The following DNAH17 variants were observed in gnomAD, a reference collection of about 807,000 sequenced individuals.
DNAH17 encodes dynein axonemal heavy chain 17.
DNAH17 carries 376 observed loss-of-function variants against 485.6 expected under a neutral mutation model. That is an observed-to-expected ratio of 0.77 (90% CI 0.71 to 0.84). DNAH17 has a LOEUF of 0.84. Ranked by LOEUF, DNAH17 falls within the 40% of genes least tolerant of loss-of-function variation. The pLI is 0.00. For synonymous variants in DNAH17, 3,031 were observed against 2,405.9 expected (o/e 1.26, Z -7.60); for missense variants, 6,370 against 5,839.3 (o/e 1.09, Z -2.96).
intron 58 of DNAH17, 130 bp from the exon 59 acceptor site, chr17:78,460,387 T>A: frequency 2.7e-6 from 2 of 749,990 alleles, no homozygotes; most frequent in Non-Finnish European, 4.4e-6. Flanking sequence ...TATGTGTGCA[T>A]ATATGTGCAT....
At position 78,439,086 on chromosome 17, in the gene DNAH17, G is replaced by A. The variant is rs769071732; in HGVS notation, c.11805+4C>T. 8.1e-5 allele frequency: 130 copies of A among 1,612,740 alleles called. 1 individual carries two copies. Among genetic ancestry groups the A allele is most frequent in the Middle Eastern group, 3.4e-4 (2 of 5,808 alleles). Reference sequence around the variant, plus strand: ...CTTACCCTGCAGTGCTGGCCCCCTCGTACCTGCAGAATGACCCAGTGTCCT... The same window carrying A: ...CTTACCCTGCAGTGCTGGCCCCCTCATACCTGCAGAATGACCCAGTGTCCT... On this transcript the variant is annotated splice_donor_region_variant and intron_variant, in intron 73 of 80. Transcript: ENST00000389840.
chr17:78,429,370 T>C, intron 75 of DNAH17, 70 bp from the exon 76 acceptor site: 1 of 1,525,552 alleles, frequency 6.6e-7, no homozygotes, highest in Non-Finnish European at 8.9e-7. Context: ...AGGGTCAGGC[T>C]CAGGCAGGCA....
intron 37 of DNAH17, among the ~76,000 whole-genome samples, chr17:78,496,236 G>A (rs1006773829): frequency 1.2e-4 from 18 of 152,226 alleles, no homozygotes; most frequent in South Asian, 6.2e-4. Flanking sequence ...AGAGGGCCAG[G>A]CACAGTGGCT....
rs773598543 is a variant in DNAH17 at position 78,570,340 on chromosome 17, G to T, written c.951C>A (p.Thr317=). The T allele has an allele frequency of 1.9e-6, 3 of 1,610,400 alleles. No individual in the cohort carries two copies. The highest frequency in any genetic ancestry group is 4.5e-5 in the East Asian group (2 of 44,748). The change falls in exon 7 of 81, where the codon ACC becomes ACA. Residue 317 remains threonine (T), a synonymous_variant. Coordinates refer to ENST00000389840, the MANE Select transcript of DNAH17 (RefSeq NM_173628.4). ...CAGAGGTGGCCCAGATGAAGCAGAT[G>T]GTGTCCAGCACCTTGGCAATGAAGG... ...LPTFIAKVLD[T]ICFIWATSEY... is the part of the protein sequence containing the mutation.
intron 17 of DNAH17, among the ~76,000 whole-genome samples, chr17:78,543,585 C>T (rs1055605062): frequency 1.3e-5 from 2 of 152,102 alleles, no homozygotes; most frequent in South Asian, 2.1e-4. Flanking sequence ...CCACCGCGCC[C>T]GGCCAATTTT....
intron 34 of DNAH17, 120 bp downstream of exon 34, chr17:78,501,622 A>G (rs2090293399): frequency 1.4e-6 from 2 of 1,408,268 alleles, no homozygotes; most frequent in Admixed American, 2.0e-5. Context: ...AGCTGCAGCC[A>G]GCAACAGAGT....
In DNAH17 at chr17:78,516,711, AAG is replaced by A. The variant is rs1301169632; in HGVS notation, c.3865-1691_3865-1690del. 5.4e-5 allele frequency among the ~76,000 whole-genome samples: 8 copies of A among 149,152 alleles called. No individual in the cohort carries two copies. In the East Asian group the frequency reaches 8.0e-4, roughly 15 times the overall value. Reference sequence around the variant, plus strand: ...TCTCAGAAAAAAAAAAAAAAAAAAAAAGAGAGAGAGACAGACTCAAAATCAGT... The same window carrying A: ...TCTCAGAAAAAAAAAAAAAAAAAAAAAGAGAGAGACAGACTCAAAATCAGT... On this transcript the variant is annotated intron_variant, in intron 25 of 80. Coordinates refer to ENST00000389840, the MANE Select transcript of DNAH17 (RefSeq NM_173628.4).
rs1317415926 is a variant in DNAH17, at chr17:78,528,398, G to C, written c.3507+1074C>G. On this transcript the variant is annotated intron_variant, in intron 22 of 80. Transcript: ENST00000389840. ...ACCTCCTGAGCAGCTGGGACTACAG[G>C]TGTGCGCCACCATGCCTGGCTAATT... 1.4e-4 allele frequency among the ~76,000 whole-genome samples: 22 copies of C among 152,244 alleles called. No individual in the cohort carries two copies. The East Asian group carries it at 4.2e-3, about 29-fold the overall frequency.
rs773270250 is a variant in DNAH17, at chr17:78,515,032, A to C, written c.3865-10T>G. ...CGATGCTGGTATTTACCTGAAACGA[A>C]AACATCCCGTTTCTCCTTCCACTCT... On this transcript the variant is annotated splice_polypyrimidine_tract_variant and intron_variant, in intron 25 of 80. Transcript: ENST00000389840. 1.9e-5 allele frequency: 31 copies of C among 1,612,648 alleles called. No individual in the cohort carries two copies. Among genetic ancestry groups the C allele is most frequent in the Non-Finnish European group, 2.3e-5 (27 of 1,178,826 alleles).
chr17:78,480,058 T>A (rs1241341502), intron 49 of DNAH17, among the ~76,000 whole-genome samples: 1 of 82,634 alleles, frequency 1.2e-5, no homozygotes, highest in African/African-American at 4.3e-5. Flanking sequence ...TTAAAAAAAG[T>A]ATGTCCCAGG....
intron 55 of DNAH17, among the ~76,000 whole-genome samples, chr17:78,468,244 T>A (rs2088578119): frequency 6.6e-6 from 1 of 152,122 alleles, no homozygotes; most frequent in Non-Finnish European, 1.5e-5. Context: ...TTAGGTATTA[T>A]AAGTAATCTA....
chr17:78,445,492 A>G, intron 70 of DNAH17, 66 bp downstream of exon 70: 1 of 1,527,154 alleles, frequency 6.5e-7, no homozygotes, highest in Non-Finnish European at 8.8e-7. Context: ...AAACATCCGC[A>G]GCATCAGCTG....
At chr17:78,436,474 T>C (rs2086853220) in intron 74 of DNAH17, among the ~76,000 whole-genome samples, 1 of 151,654 alleles carries the variant, frequency 6.6e-6, no homozygotes, top group South Asian at 2.1e-4. Flanking sequence ...AGGCTCCACT[T>C]GGGAGATCAA....
rs181791095 is a variant in DNAH17, at chr17:78,471,090, A to T, written c.8512-2207T>A. On this transcript the variant is annotated intron_variant, in intron 54 of 80. Coordinates refer to ENST00000389840, the MANE Select transcript of DNAH17 (RefSeq NM_173628.4). ...TTTGCTTATCTATAATATTTAATTTAAAAAACAAGACCTATGGGCTTCTGT... is the reference window on the plus strand; with the variant it reads ...TTTGCTTATCTATAATATTTAATTTTAAAAACAAGACCTATGGGCTTCTGT... Among the ~76,000 whole-genome samples the T allele has an allele frequency of 2.6e-5, 4 of 152,338 alleles. No individual in the cohort carries two copies. The East Asian group carries it at 7.7e-4, about 29-fold the overall frequency.
intron 26 of DNAH17, chr17:78,510,738 G>C: frequency 2.3e-6 from 1 of 427,108 alleles, no homozygotes; most frequent in East Asian, 3.4e-5. Context: ...CACCTGCACT[G>C]GGCGGAATTG....
intron 36 of DNAH17, chr17:78,499,682 G>C (rs1246740614): frequency 6.6e-6 from 1 of 152,492 alleles, no homozygotes; most frequent in Admixed American, 6.5e-5. Flanking sequence ...CAGTGAACAT[G>C]GGCTGCTGGT....
At chr17:78,427,342 C>T (rs927376342) in intron 77 of DNAH17, among the ~76,000 whole-genome samples, 22 of 152,230 alleles carry the variant, frequency 1.4e-4, no homozygotes, top group African/African-American at 3.9e-4. Context: ...CCTGCAGCCG[C>T]GGCCATGAGC....
chr17:78,561,534 C>A (rs577559201), intron 12 of DNAH17, among the ~76,000 whole-genome samples, 181 bp downstream of exon 12: 7 of 152,196 alleles, frequency 4.6e-5, no homozygotes, highest in African/African-American at 1.7e-4. Context: ...CTGAGCACTC[C>A]CACCAAGAAG....
Position 78,550,708 on chromosome 17 carries a change from A to C in DNAH17, c.2391+827T>G, listed in dbSNP as rs1182576121. Among the ~76,000 whole-genome samples the C allele has an allele frequency of 1.4e-4, 22 of 152,214 alleles. 1 individual carries two copies. Among genetic ancestry groups the C allele is most frequent in the Non-Finnish European group, 2.9e-5 (2 of 68,032 alleles). ...GAAACGTCTGTTGTTGAAGTCGCCC[A>C]GACTGTGGCAGTTTGTGATGGCCGC... is the stretch of plus-strand genomic sequence containing the variant. On this transcript the variant is annotated intron_variant, in intron 16 of 80. Coordinates refer to ENST00000389840, the MANE Select transcript of DNAH17 (RefSeq NM_173628.4).
Sources: allele counts gnomAD v4.1 joint callset (sites outside exome capture counted in the v4.1 genomes callset), GRCh38; gene constraint gnomAD v4.1.1; transcripts MANE v1.5; gene names NCBI Gene and HGNC (gene_info 2026-07-23, HGNC 2026-07-21).